The following FRMD5 variants were observed in gnomAD, a reference collection of about 807,000 sequenced individuals.
The protein encoded by FRMD5 is FERM domain-containing protein 5.
Under a neutral mutation model 69.0 loss-of-function variants are expected in FRMD5, and 20 were observed. The observed-to-expected ratio is 0.29, with a 90% CI of 0.20 to 0.42. The LOEUF is 0.42. Ranked by LOEUF, FRMD5 falls within the 10% of genes least tolerant of loss-of-function variation. The probability of loss-of-function intolerance (pLI) is 1.00; values close to 1 mark genes in which losing one functional copy is unlikely to be tolerated. For synonymous variants in FRMD5, 271 were observed against 260.1 expected, an observed-to-expected ratio of 1.04 and a Z score of -0.40; for missense variants, 595 against 708.6, an observed-to-expected ratio of 0.84 and a Z score of 1.82.
intron 1 of FRMD5, among the ~76,000 whole-genome samples, chr15:44,174,453 T>A (rs2077858507): frequency 6.6e-6 from 1 of 152,196 alleles, no homozygotes; most frequent in African/African-American, 2.4e-5. Flanking sequence ...TGTATTGTCA[T>A]TTATAACCTC....
At chr15:44,145,305 A>G (rs1432567673) in intron 1 of FRMD5, among the ~76,000 whole-genome samples, 2 of 152,210 alleles carry the variant, frequency 1.3e-5, no homozygotes, top group Non-Finnish European at 1.5e-5. Context: ...CCATCAACTT[A>G]GTGTGCCTGT....
chr15:43,876,761 C>T (rs1490005621), intron 13 of FRMD5, among the ~76,000 whole-genome samples: 1 of 152,124 alleles, frequency 6.6e-6, no homozygotes, highest in Non-Finnish European at 1.5e-5. Flanking sequence ...GGGAGTAGTC[C>T]CTGGCCAGCT....
intron 1 of FRMD5, among the ~76,000 whole-genome samples, chr15:44,036,058 C>A (rs1364034541): frequency 6.6e-6 from 1 of 152,122 alleles, no homozygotes; most frequent in East Asian, 1.9e-4. Flanking sequence ...GAAACTGCGT[C>A]ATATGTCACA....
rs372936253 is a variant in FRMD5, at chr15:44,148,372, C to T, written c.102+46581G>A. Among the ~76,000 whole-genome samples the T allele has an allele frequency of 3.4e-3, 523 of 151,940 alleles. 3 individuals are homozygous for T. Among genetic ancestry groups the T allele is most frequent in the Admixed American group, 4.3e-3 (65 of 15,262 alleles). ...CTGCAAGCTCTGCCTCCCGGGTTCACGCCATTCTCCTGCCTCAGCCTCCCG... is the reference window on the plus strand; with the variant it reads ...CTGCAAGCTCTGCCTCCCGGGTTCATGCCATTCTCCTGCCTCAGCCTCCCG... On this transcript the variant is annotated intron_variant, in intron 1 of 13. Transcript: ENST00000417257.
intron 1 of FRMD5, among the ~76,000 whole-genome samples, chr15:44,124,410 AAAGAT>A (rs1308452624): frequency 6.6e-6 from 1 of 152,018 alleles, no homozygotes; most frequent in Non-Finnish European, 1.5e-5. Context: ...GAAGAAAAAT[AAAGAT>A]GTTCTTGTGG....
At chr15:43,991,749 G>C (rs1338052555) in intron 1 of FRMD5, among the ~76,000 whole-genome samples, 1 of 152,132 alleles carries the variant, frequency 6.6e-6, no homozygotes, top group South Asian at 2.1e-4. Context: ...TTTTCAAACA[G>C]GGCACTGATG....
intron 1 of FRMD5, among the ~76,000 whole-genome samples, chr15:43,941,900 G>C (rs77111336): frequency 0.044 from 6,729 of 152,106 alleles, 461 homozygotes; most frequent in African/African-American, 0.14. Context: ...GCCTTTGGAG[G>C]CAATATTTTC....
intron 8 of FRMD5, 61 bp downstream of exon 8, chr15:43,891,920 C>T: frequency 7.2e-7 from 1 of 1,385,616 alleles, no homozygotes; most frequent in Non-Finnish European, 1.0e-6. Context: ...GACACGGGAA[C>T]CGTCGCCCCT....
At chr15:43,906,682 A>G (rs1173054074) in intron 5 of FRMD5, among the ~76,000 whole-genome samples, 1 of 151,160 alleles carries the variant, frequency 6.6e-6, no homozygotes, top group Non-Finnish European at 1.5e-5. Flanking sequence ...GCTCACTGCA[A>G]GCTCCGACTC....
intron 1 of FRMD5, among the ~76,000 whole-genome samples, chr15:44,124,573 C>T (rs373521739): frequency 6.6e-6 from 1 of 151,802 alleles, no homozygotes; most frequent in East Asian, 2.0e-4. Context: ...GTGGCACGCG[C>T]CTGTAGTCCC....
intron 1 of FRMD5, among the ~76,000 whole-genome samples, chr15:44,023,143 C>A (rs1891285482): frequency 6.6e-6 from 1 of 152,156 alleles, no homozygotes; most frequent in Admixed American, 6.5e-5. Flanking sequence ...CAGTTATGTA[C>A]ACTCCTGGGT....
rs2088221629 is a variant in FRMD5 at position 43,873,535 on chromosome 15, T to C, written c.*350A>G. 2.2e-6 allele frequency: 3 copies of C among 1,393,972 alleles called. No individual in the cohort carries two copies. Among genetic ancestry groups the C allele is most frequent in the South Asian group, 2.8e-5 (2 of 70,896 alleles). 86.4% of individuals were successfully genotyped at this position (1,393,972 alleles called of 1,614,324 possible). A position where few individuals can be genotyped will look rare whatever the true frequency, so the allele number is the denominator to read the frequency against. Reference sequence around the variant, plus strand: ...GTGATACTACTGCAATAATCAGTAATAGTAAAATAAATTATTTTTATTTGA... The same window carrying C: ...GTGATACTACTGCAATAATCAGTAACAGTAAAATAAATTATTTTTATTTGA... On this transcript the variant is annotated 3_prime_UTR_variant, in exon 14 of 14. Coordinates refer to ENST00000417257, the MANE Select transcript of FRMD5 (RefSeq NM_032892.5).
At chr15:44,030,972 A>AG in intron 1 of FRMD5, among the ~76,000 whole-genome samples, 1 of 37,576 alleles carries the variant, frequency 2.7e-5, no homozygotes, top group Non-Finnish European at 1.4e-4. Flanking sequence ...GACCAGAAAA[A>AG]GAAAAAAAAA....
rs565006577 is a variant in FRMD5 at position 43,874,905 on chromosome 15, A to G, written c.1136-443T>C. ...ACAGAGTGAGTAAGATTCCATCTTA[A>G]AAAAAAGAAAAAGGCTGGGCGTGGT... is the stretch of plus-strand genomic sequence containing the variant. On this transcript the variant is annotated intron_variant, in intron 13 of 13. Coordinates refer to ENST00000417257, the MANE Select transcript of FRMD5 (RefSeq NM_032892.5). Among the ~76,000 whole-genome samples, 4 of 151,910 alleles carry G rather than the reference A, an allele frequency of 2.6e-5. No homozygotes were observed. In the East Asian group the frequency reaches 7.8e-4, roughly 29 times the overall value.
At chr15:44,080,150 A>G (rs1406626920) in intron 1 of FRMD5, among the ~76,000 whole-genome samples, 1 of 152,116 alleles carries the variant, frequency 6.6e-6, no homozygotes, top group Admixed American at 6.6e-5. Context: ...CATGTGACTG[A>G]GGCTATAAAG....
At chr15:43,999,970 A>ATGC (rs1890131616) in intron 1 of FRMD5, among the ~76,000 whole-genome samples, 1 of 10,514 alleles carries the variant, frequency 9.5e-5, no homozygotes, top group Admixed American at 1.6e-3. Flanking sequence ...ATATATATAT[A>ATGC]TATATATATA....
At chr15:44,146,045 T>G (rs879260998) in intron 1 of FRMD5, among the ~76,000 whole-genome samples, 1 of 152,174 alleles carries the variant, frequency 6.6e-6, no homozygotes, top group African/African-American at 2.4e-5. Context: ...GACATGCAGG[T>G]TTGTTACATA....
At chr15:43,903,551 A>G (rs1412948967) in intron 6 of FRMD5, among the ~76,000 whole-genome samples, 1 of 152,238 alleles carries the variant, frequency 6.6e-6, no homozygotes, top group Non-Finnish European at 1.5e-5. Flanking sequence ...GGCAGGACCT[A>G]TGGAAAAAGT....
rs2078102695 is a variant in FRMD5 at position 44,186,415 on chromosome 15, G to GA, written c.102+8537dup. 2.6e-5 allele frequency among the ~76,000 whole-genome samples: 4 copies of GA among 152,246 alleles called. No individual in the cohort carries two copies. The South Asian group carries it at 8.3e-4, about 32-fold the overall frequency. ...CCCTTGGGTTAAGTCAGGGTGTAGAGAAAAAAGGCTCTGCACCTGTCTGGA... is the reference window on the plus strand; with the variant it reads ...CCCTTGGGTTAAGTCAGGGTGTAGAGAAAAAAAGGCTCTGCACCTGTCTGGA... On this transcript the variant is annotated intron_variant, in intron 1 of 13. Transcript: ENST00000417257.
Sources: gnomAD v4.1 joint callset for allele counts (sites outside exome capture counted in the v4.1 genomes callset) on GRCh38, gnomAD v4.1.1 for gene constraint, MANE v1.5 for transcripts, NCBI Gene and HGNC (gene_info 2026-07-23, HGNC 2026-07-21) for gene names.